ITPR1: variants seen among roughly 807,000 people sequenced by gnomAD.
ITPR1 encodes inositol 1,4,5-trisphosphate-gated calcium channel ITPR1.
A neutral mutation model predicts 318.4 loss-of-function variants in ITPR1; 96 were observed. The observed-to-expected ratio is 0.30, with a 90% CI of 0.26 to 0.36. The LOEUF (loss-of-function observed/expected upper bound fraction) is 0.36, where lower values mean the gene tolerates loss of function less well. ITPR1 is among the 10% of genes least tolerant of loss of function. The pLI, the probability that ITPR1 is intolerant of heterozygous loss-of-function variation, is 1.00. For synonymous variants in ITPR1, 1,312 were observed against 1,289.9 expected (o/e 1.02, Z -0.37); for missense variants, 2,440 against 3,460.2 (o/e 0.71, Z 7.40).
At chr3:4,549,310 C>T (rs566850176) in intron 4 of ITPR1, among the ~76,000 whole-genome samples, 60 of 152,168 alleles carry the variant, frequency 3.9e-4, no homozygotes, top group Non-Finnish European at 7.5e-4. Flanking sequence ...AATTTAGAGA[C>T]TTAACCAGGG....
In ITPR1 at chr3:4,546,741, G is replaced by T. The variant is rs991053786; in HGVS notation, c.163+25647G>T. ...ATTCAAATTCAGTGACATAAACCAA[G>T]CGCTGGGCCAACTCTGACCTTTTTT... On this transcript the variant is annotated intron_variant, in intron 4 of 61. Transcript: ENST00000649015. 2.0e-5 allele frequency among the ~76,000 whole-genome samples: 3 copies of T among 150,072 alleles called. No homozygotes were observed. The South Asian group carries it at 6.3e-4, about 32-fold the overall frequency.
At chr3:4,611,231 C>CAAA (rs748883296) in intron 4 of ITPR1, among the ~76,000 whole-genome samples, 6,293 of 100,504 alleles carry the variant, frequency 0.063, 302 homozygotes, top group Middle Eastern at 0.089. Context: ...CTCATCTCTA[C>CAAA]AAAAAAAAAA....
chr3:4,814,389 G>A (rs370959243), intron 57 of ITPR1, 34 bp from the exon 58 acceptor site: 37 of 1,612,774 alleles, frequency 2.3e-5, no homozygotes, highest in East Asian at 4.5e-5. Flanking sequence ...TTCTCCTCAC[G>A]TTTTCTCTCT....
chr3:4,610,920 CCTTCCCTT>C (rs2092043302), intron 4 of ITPR1, among the ~76,000 whole-genome samples: 1 of 99,096 alleles, frequency 1.0e-5, no homozygotes, highest in East Asian at 3.5e-4. Flanking sequence ...CTTCTCCTTC[CCTTCCCTT>C]CCCTTCCCCT....
chr3:4,821,551 A>AC (rs2049719072), intron 60 of ITPR1, among the ~76,000 whole-genome samples: 1 of 152,202 alleles, frequency 6.6e-6, no homozygotes, highest in East Asian at 1.9e-4. Context: ...ACCCAGGCTG[A>AC]CTTGGAAAGA....
intron 4 of ITPR1, among the ~76,000 whole-genome samples, chr3:4,613,522 C>T (rs1240712197): frequency 6.6e-6 from 1 of 152,166 alleles, no homozygotes; most frequent in African/African-American, 2.4e-5. Context: ...AGGGAATGCT[C>T]ATTGCCTGAG....
At chr3:4,748,975 G>A (rs1442304602) in intron 44 of ITPR1, among the ~76,000 whole-genome samples, 2 of 152,184 alleles carry the variant, frequency 1.3e-5, no homozygotes, top group Admixed American at 1.3e-4. Context: ...AGAAGAGAAG[G>A]CACAAGGCTA....
At chr3:4,514,305 C>T (rs2082037895) in intron 2 of ITPR1, among the ~76,000 whole-genome samples, 1 of 152,118 alleles carries the variant, frequency 6.6e-6, no homozygotes, top group Non-Finnish European at 1.5e-5. Flanking sequence ...CATGAGAAAT[C>T]CTTGATAAAT....
At chr3:4,836,244 C>T (rs558241329) in intron 60 of ITPR1, among the ~76,000 whole-genome samples, 9 of 151,930 alleles carry the variant, frequency 5.9e-5, no homozygotes, top group Middle Eastern at 6.8e-3. Context: ...GGTGGTTGCC[C>T]GGGGCCGGCG....
intron 39 of ITPR1, among the ~76,000 whole-genome samples, chr3:4,712,384 A>G (rs1559751662): frequency 6.6e-6 from 1 of 152,218 alleles, no homozygotes. Flanking sequence ...GATTGTTCTT[A>G]GTATATGCAG....
chr3:4,538,510 C>T (rs1459702322), intron 4 of ITPR1, among the ~76,000 whole-genome samples: 1 of 152,156 alleles, frequency 6.6e-6, no homozygotes, highest in Admixed American at 6.5e-5. Flanking sequence ...GACCTAGAAT[C>T]AGAAATACCA....
rs762235869 is a variant in ITPR1, at chr3:4,800,438, C to G, written c.6945C>G (p.Pro2315=). 1 of 1,613,714 alleles carries G rather than the reference C, an allele frequency of 6.2e-7. No individual in the cohort carries two copies. Among genetic ancestry groups the G allele is most frequent in the South Asian group, 1.1e-5 (1 of 91,002 alleles). The change falls in exon 54 of 62, where the codon CCC becomes CCG. Residue 2315 remains proline, a synonymous_variant. Coordinates refer to ENST00000649015, the MANE Select transcript of ITPR1 (RefSeq NM_001378452.1). ...FKGVRGGTLE[P]HWSGLLWTAM... ...TTGTCCTTGCAGGAACCCTGGAGCCCCACTGGTCGGGACTCCTGTGGACAG... is the reference window on the plus strand; with the variant it reads ...TTGTCCTTGCAGGAACCCTGGAGCCGCACTGGTCGGGACTCCTGTGGACAG...
At chr3:4,732,372 G>A (rs554444781) in intron 42 of ITPR1, among the ~76,000 whole-genome samples, 1 of 152,314 alleles carries the variant, frequency 6.6e-6, no homozygotes, top group East Asian at 1.9e-4. Context: ...TGCTTCAACA[G>A]CAACTGTCAG....
chr3:4,664,428 G>C (rs140503158), intron 16 of ITPR1, among the ~76,000 whole-genome samples: 71 of 152,316 alleles, frequency 4.7e-4, no homozygotes, highest in African/African-American at 1.6e-3. Flanking sequence ...AAAGCTAAAA[G>C]AGAAACATAT....
chr3:4,818,509 G>T (rs951414470), intron 60 of ITPR1, among the ~76,000 whole-genome samples: 1 of 152,170 alleles, frequency 6.6e-6, no homozygotes, highest in African/African-American at 2.4e-5. Context: ...CGGAACTGGG[G>T]CTGGGATTTT....
chr3:4,822,466 T>C (rs1233550747), intron 60 of ITPR1, among the ~76,000 whole-genome samples: 2 of 152,202 alleles, frequency 1.3e-5, no homozygotes, highest in Non-Finnish European at 2.9e-5. Context: ...TCCTTCAAAG[T>C]TGAGGCAGGG....
intron 4 of ITPR1, among the ~76,000 whole-genome samples, chr3:4,609,612 A>C (rs1469225695): frequency 6.6e-6 from 1 of 151,818 alleles, no homozygotes; most frequent in Non-Finnish European, 1.5e-5. Flanking sequence ...ATGGAGGGGG[A>C]AGGACTCTGG....
intron 4 of ITPR1, among the ~76,000 whole-genome samples, chr3:4,571,750 G>A (rs1217655899): frequency 6.6e-6 from 1 of 152,162 alleles, no homozygotes; most frequent in Non-Finnish European, 1.5e-5. Context: ...ACCATAAACA[G>A]AACAGGGAAG....
At chr3:4,505,736 G>T (rs938311841) in intron 2 of ITPR1, among the ~76,000 whole-genome samples, 8 of 152,170 alleles carry the variant, frequency 5.3e-5, no homozygotes, top group African/African-American at 1.9e-4. Context: ...GACGCAAAGG[G>T]TGCTGTGTGA....
Sources: allele counts gnomAD v4.1 joint callset (sites outside exome capture counted in the v4.1 genomes callset), GRCh38; gene constraint gnomAD v4.1.1; transcripts MANE v1.5; gene names NCBI Gene and HGNC (gene_info 2026-07-23, HGNC 2026-07-21).